The following PTPRN2 variants were observed in gnomAD, a reference collection of about 807,000 sequenced individuals.
The protein encoded by PTPRN2 is receptor-type tyrosine-protein phosphatase N2.
In PTPRN2, 74 loss-of-function variants were observed where a neutral mutation model predicts 118.8. The observed-to-expected ratio is 0.62, with a 90% CI of 0.52 to 0.76. The LOEUF (loss-of-function observed/expected upper bound fraction) is 0.76, where lower values mean the gene tolerates loss of function less well. PTPRN2 is among the 30% of genes least tolerant of loss of function. The pLI, the probability that PTPRN2 is intolerant of heterozygous loss-of-function variation, is 0.00. For missense variants in PTPRN2, 1,481 were observed against 1,394.4 expected (o/e 1.06, Z -0.99); for synonymous variants, 641 against 608.0 (o/e 1.05, Z -0.80).
At chr7:157,828,752 G>A (rs1455701667) in intron 12 of PTPRN2, among the ~76,000 whole-genome samples, 1 of 152,220 alleles carries the variant, frequency 6.6e-6, no homozygotes, top group Non-Finnish European at 1.5e-5. Flanking sequence ...CAGCTGACAA[G>A]TAAGACAGGG....
In PTPRN2 at chr7:157,739,667, C is replaced by T. The variant is rs536961851; in HGVS notation, c.1789-56730G>A. 1.0e-3 allele frequency among the ~76,000 whole-genome samples: 156 copies of T among 152,308 alleles called. 1 individual carries two copies. Among genetic ancestry groups the T allele is most frequent in the Non-Finnish European group, 1.7e-3 (115 of 68,026 alleles). ...GAGAGCTCTTTCTCCCCAGGTGTGA[C>T]CAGACAAGGTTGTTATGGAATCAAA... On this transcript the variant is annotated intron_variant, in intron 12 of 22. Coordinates refer to ENST00000389418, the MANE Select transcript of PTPRN2 (RefSeq NM_002847.5).
chr7:157,568,850 C>A (rs757598649), intron 21 of PTPRN2, 52 bp downstream of exon 21: 4 of 1,513,450 alleles, frequency 2.6e-6, no homozygotes, highest in Non-Finnish European at 3.7e-6. Context: ...GTTGCCATAG[C>A]GACGCCATCC....
chr7:157,652,036 T>C lies in PTPRN2; in HGVS notation c.2196+4321A>G, dbSNP rs541572670. 1.1e-4 allele frequency among the ~76,000 whole-genome samples: 17 copies of C among 152,364 alleles called. No individual in the cohort carries two copies. In the East Asian group the frequency reaches 2.9e-3, roughly 26 times the overall value. On this transcript the variant is annotated intron_variant, in intron 14 of 22. Coordinates refer to ENST00000389418, the MANE Select transcript of PTPRN2 (RefSeq NM_002847.5). ...CATTTTCCAGGAACAAGTGACATTC[T>C]GGGCTGGGTTTTCCCTGCAAATAAA...
intron 2 of PTPRN2, among the ~76,000 whole-genome samples, chr7:158,484,665 G>C (rs973636138): frequency 6.6e-5 from 10 of 152,144 alleles, no homozygotes; most frequent in African/African-American, 2.4e-4. Flanking sequence ...CTGGCCTCCT[G>C]GACATTTTGT....
intron 13 of PTPRN2, among the ~76,000 whole-genome samples, chr7:157,666,816 A>T (rs1345480697): frequency 4.6e-5 from 7 of 152,120 alleles, no homozygotes; most frequent in Non-Finnish European, 1.0e-4. Context: ...CACTGATCTC[A>T]GGTGGGTGCA....
At chr7:157,965,802 A>G (rs1018321480) in intron 11 of PTPRN2, among the ~76,000 whole-genome samples, 1 of 152,232 alleles carries the variant, frequency 6.6e-6, no homozygotes, top group Non-Finnish European at 1.5e-5. Flanking sequence ...CTTTCTGAAG[A>G]ATTGTGCTGC....
chr7:158,399,314 T>A (rs1301275743), intron 2 of PTPRN2, among the ~76,000 whole-genome samples: 7 of 151,996 alleles, frequency 4.6e-5, no homozygotes, highest in African/African-American at 1.7e-4. Context: ...CTGGGAAAAA[T>A]TTTCTCTATT....
chr7:158,168,572 T>G (rs2150598759), intron 5 of PTPRN2, among the ~76,000 whole-genome samples: 1 of 152,324 alleles, frequency 6.6e-6, no homozygotes, highest in East Asian at 1.9e-4. Flanking sequence ...TCACTCCAAC[T>G]TCTTTACTGA....
intron 12 of PTPRN2, among the ~76,000 whole-genome samples, chr7:157,708,371 C>T (rs575420275): frequency 6.5e-4 from 99 of 152,302 alleles, no homozygotes; most frequent in African/African-American, 2.3e-3. Flanking sequence ...CATCTGCCCA[C>T]GACCCTTCAG....
At chr7:157,789,028 G>T (rs113857154) in intron 12 of PTPRN2, among the ~76,000 whole-genome samples, 44 of 152,228 alleles carry the variant, frequency 2.9e-4, no homozygotes, top group African/African-American at 1.0e-3. Flanking sequence ...AGTCACTACA[G>T]GACAGTCAGA....
At chr7:157,616,782 CTT>C (rs1381156827) in intron 15 of PTPRN2, 1 of 151,844 alleles carries the variant, frequency 6.6e-6, no homozygotes, top group African/African-American at 2.4e-5. Context: ...ATCATGATAA[CTT>C]TTGGTCACTC....
At chr7:158,016,291 C>T (rs1385883504) in intron 11 of PTPRN2, among the ~76,000 whole-genome samples, 2 of 152,172 alleles carry the variant, frequency 1.3e-5, no homozygotes, top group African/African-American at 2.4e-5. Context: ...AGATGCCTTG[C>T]GTGGCCTGTG....
chr7:158,016,256 C>A (rs542337158), intron 11 of PTPRN2, among the ~76,000 whole-genome samples: 1 of 152,334 alleles, frequency 6.6e-6, no homozygotes, highest in Admixed American at 6.5e-5. Flanking sequence ...CGGACACGGG[C>A]AGAGTGTCAC....
chr7:157,735,900 C>T (rs1216021624), intron 12 of PTPRN2, among the ~76,000 whole-genome samples: 2 of 152,214 alleles, frequency 1.3e-5, no homozygotes, highest in African/African-American at 4.8e-5. Context: ...GCACATGCCT[C>T]AAGCCACCTG....
chr7:158,228,793 T>C (rs551874929), intron 3 of PTPRN2, among the ~76,000 whole-genome samples: 2 of 152,142 alleles, frequency 1.3e-5, no homozygotes, highest in Non-Finnish European at 2.9e-5. Flanking sequence ...ACAATCAGCT[T>C]CTCCAACCTC....
chr7:157,897,305 C>T (rs755095477), intron 12 of PTPRN2, among the ~76,000 whole-genome samples: 11 of 152,154 alleles, frequency 7.2e-5, no homozygotes, highest in Admixed American at 3.9e-4. Context: ...CAGCCACCCC[C>T]GGCTGACTCC....
intron 2 of PTPRN2, among the ~76,000 whole-genome samples, chr7:158,322,410 C>T (rs367852404): frequency 2.0e-5 from 3 of 151,882 alleles, no homozygotes; most frequent in Non-Finnish European, 2.9e-5. Context: ...GAACGAACAG[C>T]GGCCGACCTG....
intron 11 of PTPRN2, among the ~76,000 whole-genome samples, chr7:158,002,175 T>C (rs1004580837): frequency 6.6e-6 from 1 of 152,172 alleles, no homozygotes; most frequent in Non-Finnish European, 1.5e-5. Flanking sequence ...AAGCGGGGGC[T>C]TGAGGCAAGC....
intron 12 of PTPRN2, among the ~76,000 whole-genome samples, chr7:157,867,534 G>C (rs1810781954): frequency 7.3e-6 from 1 of 137,628 alleles, no homozygotes; most frequent in South Asian, 2.5e-4. Flanking sequence ...CCCCGCCCCT[G>C]ACGCTCTGGA....
Sources: allele counts gnomAD v4.1 joint callset (sites outside exome capture counted in the v4.1 genomes callset), GRCh38; gene constraint gnomAD v4.1.1; transcripts MANE v1.5; gene names NCBI Gene and HGNC (gene_info 2026-07-23, HGNC 2026-07-21).